RPGRIP1L: variants seen among roughly 807,000 people sequenced by gnomAD.
RPGRIP1L encodes protein fantom.
A neutral mutation model predicts 160.4 loss-of-function variants in RPGRIP1L; 131 were observed. The ratio of observed to expected loss-of-function variants is 0.82; its 90% CI spans 0.71 to 0.94. The LOEUF (loss-of-function observed/expected upper bound fraction) is 0.94, where lower values mean the gene tolerates loss of function less well. RPGRIP1L is among the 40% of genes least tolerant of loss of function. The pLI, the probability that RPGRIP1L is intolerant of heterozygous loss-of-function variation, is 0.00. For missense variants in RPGRIP1L, 1,522 were observed against 1,535.8 expected (o/e 0.99, Z 0.15); for synonymous variants, 510 against 515.8 (o/e 0.99, Z 0.15).
chr16:53,700,278 T>C (rs1232334936), intron 2 of RPGRIP1L, among the ~76,000 whole-genome samples: 4 of 152,206 alleles, frequency 2.6e-5, no homozygotes, highest in Admixed American at 6.5e-5. Context: ...TTTCCTCCCA[T>C]ATAAAATTTA....
At position 53,648,659 on chromosome 16, in the gene RPGRIP1L, A is replaced by C. The variant is rs528962711; in HGVS notation, c.2304+305T>G. ...ACACACACACACACACACACACACAAAAGTGCATGTAAAAACTGACGAAAT... is the reference window on the plus strand; with the variant it reads ...ACACACACACACACACACACACACACAAGTGCATGTAAAAACTGACGAAAT... On this transcript the variant is annotated intron_variant, in intron 16 of 26. Coordinates refer to ENST00000647211, the MANE Select transcript of RPGRIP1L (RefSeq NM_015272.5). 1.7e-3 allele frequency among the ~76,000 whole-genome samples: 155 copies of C among 90,192 alleles called. 1 individual carries two copies. Among genetic ancestry groups the C allele is most frequent in the African/African-American group, 4.7e-3 (139 of 29,714 alleles). The allele number at this position is 90,192 out of a possible 152,430, so 59.2% of individuals were successfully genotyped here. A position where few individuals can be genotyped will look rare whatever the true frequency, so the allele number is the denominator to read the frequency against.
intron 14 of RPGRIP1L, among the ~76,000 whole-genome samples, chr16:53,655,105 C>T (rs915846690): frequency 2.1e-4 from 32 of 152,202 alleles, no homozygotes; most frequent in Non-Finnish European, 4.6e-4. Flanking sequence ...TTGGAGGTTA[C>T]ATGATGTGTG....
intron 22 of RPGRIP1L, among the ~76,000 whole-genome samples, chr16:53,634,379 G>A (rs1385655216): frequency 6.6e-6 from 1 of 152,040 alleles, no homozygotes; most frequent in African/African-American, 2.4e-5. Flanking sequence ...TTTGTTCCCA[G>A]GCTTTCAGAT....
At chr16:53,656,343 T>C (rs1195155647) in intron 14 of RPGRIP1L, 129 bp downstream of exon 14, 1 of 784,222 alleles carries the variant, frequency 1.3e-6, no homozygotes, top group Non-Finnish European at 2.3e-6. Context: ...GCTGCATTCA[T>C]GAGCTAGCTA....
chr16:53,641,573 GC>G, intron 17 of RPGRIP1L, 98 bp from the exon 18 acceptor site: 1 of 1,102,626 alleles, frequency 9.1e-7, no homozygotes, highest in East Asian at 2.5e-5. Context: ...AGAGACTCAT[GC>G]TCTACCATGT....
At chr16:53,659,512 T>C (rs1967580260) in intron 10 of RPGRIP1L, 1 of 152,384 alleles carries the variant, frequency 6.6e-6, no homozygotes, top group South Asian at 2.1e-4. Flanking sequence ...TGAATCTGTA[T>C]TTAGTCAACC....
intron 9 of RPGRIP1L, among the ~76,000 whole-genome samples, chr16:53,666,592 G>GTATATATA (rs71380041): frequency 2.0e-5 from 3 of 147,358 alleles, no homozygotes; most frequent in Non-Finnish European, 4.5e-5. Flanking sequence ...GTGTGTGTGT[G>GTATATATA]TATATATATA....
Position 53,641,031 on chromosome 16 carries a change from A to G in RPGRIP1L, c.2958+2T>C, listed in dbSNP as rs1202514802. 1 of 1,599,280 alleles carries G rather than the reference A, an allele frequency of 6.3e-7. No individual in the cohort carries two copies. Among genetic ancestry groups the G allele is most frequent in the Non-Finnish European group, 8.6e-7 (1 of 1,166,594 alleles). ...TCAGTATTTTCAGTGTCTACTACTT[A>G]CATCACTCTGATGTGGCATGATATC... On this transcript the variant is annotated splice_donor_variant, in intron 19 of 26. Transcript: ENST00000647211. LOFTEE classifies it high-confidence loss of function.
rs779776673 is a variant in RPGRIP1L, at chr16:53,645,725, C to CA, written c.2582dup (p.Ser862GlufsTer6). ...CACTATCATCAAAAACATAAAAACT[C>CA]AGAGACTCTGACTTAAGGTATCGAT... On this transcript the variant is annotated frameshift_variant, in exon 17 of 27. Transcript: ENST00000647211. LOFTEE classifies it high-confidence loss of function. 8.1e-6 allele frequency: 13 copies of CA among 1,614,078 alleles called. No homozygotes were observed. The highest frequency in any genetic ancestry group is 1.0e-5 in the Non-Finnish European group (12 of 1,179,994).
chr16:53,618,157 A>G lies in RPGRIP1L; in HGVS notation c.3616+868T>C, dbSNP rs1237860356. Among the ~76,000 whole-genome samples the G allele has an allele frequency of 2.0e-5, 3 of 152,232 alleles. No homozygotes were observed. The East Asian group carries it at 5.8e-4, about 29-fold the overall frequency. On this transcript the variant is annotated intron_variant, in intron 24 of 26. Coordinates refer to ENST00000647211, the MANE Select transcript of RPGRIP1L (RefSeq NM_015272.5). ...TAAACTTACATGTCAACTGGCTGCT[A>G]GATCAAGCCCTAAGACAGAAAACCT...
rs751603265 is a variant in RPGRIP1L, at chr16:53,687,812, G to T, written c.632+51C>A. On this transcript the variant is annotated intron_variant, in intron 5 of 26. Transcript: ENST00000647211. ...AGGAAAGGGAAGGATAAAAAAAAAA[G>T]ACATTATCAATAACCAAAGTTCTCA... The T allele has an allele frequency of 9.4e-6, 10 of 1,062,872 alleles. No homozygotes were observed. In the Admixed American group the frequency reaches 1.2e-4, roughly 13 times the overall value. 65.8% of individuals were successfully genotyped at this position (1,062,872 alleles called of 1,614,324 possible).
Position 53,601,216 on chromosome 16 carries a change from T to C in RPGRIP1L, c.*860A>G, listed in dbSNP as rs1963363727. 1.3e-5 allele frequency: 2 copies of C among 152,580 alleles called. No homozygotes were observed. The highest frequency in any genetic ancestry group is 4.8e-5 in the African/African-American group (2 of 41,444). The allele number at this position is 152,580 out of a possible 1,614,324, so 9.5% of individuals were successfully genotyped here. A position where few individuals can be genotyped will look rare whatever the true frequency, so the allele number is the denominator to read the frequency against. ...ACTGGCTTGATGTAAATTTAAAAAATGATAAAAAGATACTCCTTTCACGTC... is the reference window on the plus strand; with the variant it reads ...ACTGGCTTGATGTAAATTTAAAAAACGATAAAAAGATACTCCTTTCACGTC... On this transcript the variant is annotated 3_prime_UTR_variant, in exon 27 of 27. Coordinates refer to ENST00000647211, the MANE Select transcript of RPGRIP1L (RefSeq NM_015272.5).
intron 19 of RPGRIP1L, among the ~76,000 whole-genome samples, chr16:53,639,802 A>G (rs1016198707): frequency 2.0e-5 from 3 of 152,230 alleles, no homozygotes; most frequent in African/African-American, 7.2e-5. Context: ...CATAAATACT[A>G]GTGATAAAAC....
intron 16 of RPGRIP1L, among the ~76,000 whole-genome samples, chr16:53,647,887 C>T (rs1043072307): frequency 1.3e-5 from 2 of 151,868 alleles, no homozygotes; most frequent in Non-Finnish European, 1.5e-5. Flanking sequence ...GGGTGGATCA[C>T]GAGGTCAGGA....
intron 2 of RPGRIP1L, among the ~76,000 whole-genome samples, chr16:53,699,371 C>A (rs1277610413): frequency 2.2e-5 from 3 of 133,372 alleles, no homozygotes; most frequent in Non-Finnish European, 4.7e-5. Context: ...GTGAGAAACA[C>A]CCAAGAATGA....
At chr16:53,631,778 A>G (rs933131371) in intron 22 of RPGRIP1L, among the ~76,000 whole-genome samples, 1 of 152,246 alleles carries the variant, frequency 6.6e-6, no homozygotes, top group Non-Finnish European at 1.5e-5. Context: ...TAGTAAAAGC[A>G]GCAGTTGTCA....
At chr16:53,610,252 T>C (rs1368319658) in intron 25 of RPGRIP1L, among the ~76,000 whole-genome samples, 2 of 152,162 alleles carry the variant, frequency 1.3e-5, no homozygotes, top group African/African-American at 4.8e-5. Flanking sequence ...CTGAAAATTA[T>C]ATACATGTAT....
chr16:53,699,386 T>TAAAAA (rs10652484), intron 2 of RPGRIP1L, among the ~76,000 whole-genome samples: 17 of 77,108 alleles, frequency 2.2e-4, no homozygotes, highest in African/African-American at 4.2e-4. Context: ...GAATGATCAA[T>TAAAAA]AAAAAAAAAA....
chr16:53,688,790 A>G (rs1029158614), intron 4 of RPGRIP1L, among the ~76,000 whole-genome samples: 1 of 152,056 alleles, frequency 6.6e-6, no homozygotes, highest in African/African-American at 2.4e-5. Context: ...TAAAGAAAAA[A>G]GAGAATTTTA....
Sources: gnomAD v4.1 joint callset for allele counts (sites outside exome capture counted in the v4.1 genomes callset) on GRCh38, gnomAD v4.1.1 for gene constraint, MANE v1.5 for transcripts, NCBI Gene and HGNC (gene_info 2026-07-23, HGNC 2026-07-21) for gene names.